RIMKLA: variants seen among roughly 807,000 people sequenced by gnomAD.
RIMKLA encodes N-acetylaspartylglutamate synthase A.
Under a neutral mutation model 32.7 loss-of-function variants are expected in RIMKLA, and 14 were observed. The ratio of observed to expected loss-of-function variants is 0.43; its 90% CI spans 0.28 to 0.67. The LOEUF (loss-of-function observed/expected upper bound fraction) is 0.67, where lower values mean the gene tolerates loss of function less well. RIMKLA is among the 30% of genes least tolerant of loss of function. The probability of loss-of-function intolerance (pLI) is 0.18; values close to 1 mark genes in which losing one functional copy is unlikely to be tolerated. For synonymous variants in RIMKLA, 176 were observed against 204.1 expected (o/e 0.86, Z 1.18); for missense variants, 410 against 519.0 (o/e 0.79, Z 2.04).
chr1:42,423,077 G>A lies in RIMKLA; in HGVS notation c.*8103G>A, dbSNP rs1357253627. Among the ~76,000 whole-genome samples the A allele has an allele frequency of 2.0e-5, 3 of 152,076 alleles. No individual in the cohort carries two copies. Among genetic ancestry groups the A allele is most frequent in the South Asian group, 2.1e-4 (1 of 4,820 alleles). ...TTTCAAGAGGCTTCCTGGGAGAAGC[G>A]GTGATAAGACCCTGGGGGACTAACA... On this transcript the variant is annotated 3_prime_UTR_variant, in exon 5 of 5. Transcript: ENST00000431473.
At chr1:42,383,774 C>T (rs1457100823) in intron 1 of RIMKLA, among the ~76,000 whole-genome samples, 1 of 152,174 alleles carries the variant, frequency 6.6e-6, no homozygotes, top group Admixed American at 6.5e-5. Flanking sequence ...TCAATGCCAT[C>T]CAGCTAGTTA....
At chr1:42,400,970 A>C (rs918165715) in intron 2 of RIMKLA, among the ~76,000 whole-genome samples, 1 of 151,802 alleles carries the variant, frequency 6.6e-6, no homozygotes, top group African/African-American at 2.4e-5. Flanking sequence ...TTTTTAAAAG[A>C]GGGAATCCTT....
intron 1 of RIMKLA, among the ~76,000 whole-genome samples, chr1:42,398,497 A>G (rs1436987165): frequency 6.6e-6 from 1 of 152,230 alleles, no homozygotes; most frequent in Non-Finnish European, 1.5e-5. Context: ...TATAAAATAT[A>G]AAGAAGACAT....
At chr1:42,412,420 T>TTCCCACC (rs1643206051) in intron 4 of RIMKLA, 1 of 278,372 alleles carries the variant, frequency 3.6e-6, no homozygotes, top group African/African-American at 2.3e-5. Flanking sequence ...TCCCAGGATT[T>TTCCCACC]TCCCACCTGT....
Position 42,384,475 on chromosome 1 carries a change from A to ATG in RIMKLA, c.163+3390_163+3391dup, listed in dbSNP as rs547004979. On this transcript the variant is annotated intron_variant, in intron 1 of 4. Coordinates refer to ENST00000431473, the MANE Select transcript of RIMKLA (RefSeq NM_173642.4). ...ATAATAATAATGGTCATAGCCATAT[A>ATG]TGTGTGTGTGTGTATATATATATAC... 4.5e-4 allele frequency among the ~76,000 whole-genome samples: 66 copies of ATG among 146,860 alleles called. 1 individual carries two copies. The highest frequency in any genetic ancestry group is 2.5e-3 in the East Asian group (13 of 5,136).
rs767710234 is a variant in RIMKLA at position 42,423,449 on chromosome 1, T to G, written c.*8475T>G. Among the ~76,000 whole-genome samples the G allele has an allele frequency of 6.6e-6, 1 of 152,128 alleles. No homozygotes were observed. Among genetic ancestry groups the G allele is most frequent in the Non-Finnish European group, 1.5e-5 (1 of 68,028 alleles). On this transcript the variant is annotated 3_prime_UTR_variant, in exon 5 of 5. Coordinates refer to ENST00000431473, the MANE Select transcript of RIMKLA (RefSeq NM_173642.4). ...TCTAATTCCCAGTCCGTATTCAAAT[T>G]CCCCCATTGTCTCAAAGAGAACTGC... is the stretch of plus-strand genomic sequence containing the variant.
intron 4 of RIMKLA, among the ~76,000 whole-genome samples, chr1:42,411,452 CTTTTT>C (rs1373343308): frequency 2.1e-5 from 3 of 140,158 alleles, no homozygotes; most frequent in Non-Finnish European, 4.7e-5. Flanking sequence ...ATCTCATTTT[CTTTTT>C]TTTTCTTTTC....
chr1:42,383,083 A>G (rs1476235662), intron 1 of RIMKLA, among the ~76,000 whole-genome samples: 1 of 151,322 alleles, frequency 6.6e-6, no homozygotes, highest in Non-Finnish European at 1.5e-5. Context: ...ACAGAGTTTC[A>G]CCATGTTGGT....
chr1:42,382,071 G>A (rs1290719069), intron 1 of RIMKLA, among the ~76,000 whole-genome samples: 4 of 152,164 alleles, frequency 2.6e-5, no homozygotes, highest in African/African-American at 9.7e-5. Flanking sequence ...GGCAGGGGAA[G>A]GAATTTCAAA....
intron 1 of RIMKLA, among the ~76,000 whole-genome samples, chr1:42,382,091 A>T (rs1446675471): frequency 6.6e-6 from 1 of 152,232 alleles, no homozygotes; most frequent in Non-Finnish European, 1.5e-5. Flanking sequence ...ATTCGGAAAG[A>T]CTACTTACAA....
chr1:42,392,152 G>A (rs551913855), intron 1 of RIMKLA, among the ~76,000 whole-genome samples: 1 of 152,230 alleles, frequency 6.6e-6, no homozygotes, highest in East Asian at 1.9e-4. Context: ...GAGTTTAGAG[G>A]CATGAGGTGT....
chr1:42,410,803 G>A (rs1174797562), intron 4 of RIMKLA, among the ~76,000 whole-genome samples: 2 of 150,262 alleles, frequency 1.3e-5, no homozygotes, highest in Admixed American at 1.3e-4. Context: ...CAACCTCACT[G>A]AATGAGTTTA....
intron 2 of RIMKLA, among the ~76,000 whole-genome samples, chr1:42,404,224 A>G (rs567029932): frequency 6.6e-6 from 1 of 152,218 alleles, no homozygotes; most frequent in Non-Finnish European, 1.5e-5. Context: ...GGTTCCACCT[A>G]CCACAGCCAT....
At chr1:42,389,531 G>C (rs1642978378) in intron 1 of RIMKLA, among the ~76,000 whole-genome samples, 1 of 152,166 alleles carries the variant, frequency 6.6e-6, no homozygotes, top group African/African-American at 2.4e-5. Context: ...TTGCTGCTAG[G>C]CCAGACACAG....
At chr1:42,412,455 G>T in intron 4 of RIMKLA, 2 of 323,342 alleles carry the variant, frequency 6.2e-6, no homozygotes, top group Non-Finnish European at 1.2e-5. Context: ...CTTCTTCACA[G>T]GCCATGATGG....
rs1643237079 is a variant in RIMKLA at position 42,415,308 on chromosome 1, T to G, written c.*334T>G. The stretch of plus-strand genomic sequence containing the variant: ...AGAACCCATTAGCTCAAAATGGCTC[T>G]TGGAATTATGTACTCAAAAGCAACC... On this transcript the variant is annotated 3_prime_UTR_variant, in exon 5 of 5. Coordinates refer to ENST00000431473, the MANE Select transcript of RIMKLA (RefSeq NM_173642.4). The G allele has an allele frequency of 4.1e-6, 1 of 243,596 alleles. No individual in the cohort carries two copies. The highest frequency in any genetic ancestry group is 2.3e-5 in the African/African-American group (1 of 44,386). The allele number at this position is 243,596 out of a possible 1,614,324, so 15.1% of individuals were successfully genotyped here.
intron 1 of RIMKLA, among the ~76,000 whole-genome samples, chr1:42,383,288 G>A (rs1028759414): frequency 2.6e-5 from 4 of 152,130 alleles, no homozygotes; most frequent in African/African-American, 7.2e-5. Context: ...TGTTAATTCC[G>A]AGGTAGCCTA....
At position 42,417,375 on chromosome 1, in the gene RIMKLA, GGCTCT is replaced by G. The variant is rs1553177824; in HGVS notation, c.*2403_*2407del. ...GATTTCCCATACCATGCTGGCTGTG[GGCTCT>G]GTGAGCCTCAGCCAGGTGGCCAGGC... On this transcript the variant is annotated 3_prime_UTR_variant, in exon 5 of 5. Coordinates refer to ENST00000431473, the MANE Select transcript of RIMKLA (RefSeq NM_173642.4). 6.6e-6 allele frequency: 1 copy of G among 152,204 alleles called. No homozygotes were observed. The highest frequency in any genetic ancestry group is 1.5e-5 in the Non-Finnish European group (1 of 68,042). The allele number at this position is 152,204 out of a possible 1,614,324, so 9.4% of individuals were successfully genotyped here.
At chr1:42,381,185 A>G (rs1289395571) in intron 1 of RIMKLA, 88 bp downstream of exon 1, 3 of 1,041,962 alleles carry the variant, frequency 2.9e-6, no homozygotes, top group South Asian at 3.9e-5. Flanking sequence ...GGCCTCCCGC[A>G]GCAGAGTCTC....
Sources: allele counts gnomAD v4.1 joint callset (sites outside exome capture counted in the v4.1 genomes callset), GRCh38; gene constraint gnomAD v4.1.1; transcripts MANE v1.5; gene names NCBI Gene and HGNC (gene_info 2026-07-23, HGNC 2026-07-21).